KANSL1L: variants seen among roughly 807,000 people sequenced by gnomAD.
KANSL1L encodes the protein KAT8 regulatory NSL complex subunit 1 like, also known as KAT8 regulatory NSL complex subunit 1-like protein.
KANSL1L carries 25 observed loss-of-function variants against 108.6 expected under a neutral mutation model. The observed-to-expected ratio is 0.23, with a 90% CI of 0.17 to 0.32. The LOEUF is 0.32. Ranked by LOEUF, KANSL1L falls within the 10% of genes least tolerant of loss-of-function variation. The probability of loss-of-function intolerance (pLI) is 1.00; values close to 1 mark genes in which losing one functional copy is unlikely to be tolerated. For synonymous variants in KANSL1L, 405 were observed against 395.1 expected, an observed-to-expected ratio of 1.03 and a Z score of -0.30; for missense variants, 1,137 against 1,125.7, an observed-to-expected ratio of 1.01 and a Z score of -0.14.
chr2:210,063,166 G>A (rs1371297006), intron 6 of KANSL1L, among the ~76,000 whole-genome samples: 2 of 152,232 alleles, frequency 1.3e-5, no homozygotes, highest in Non-Finnish European at 2.9e-5. Flanking sequence ...GAGGGTGCAA[G>A]CCCCAAACCT....
At chr2:210,073,673 T>C (rs2094522685) in intron 6 of KANSL1L, among the ~76,000 whole-genome samples, 1 of 152,108 alleles carries the variant, frequency 6.6e-6, no homozygotes, top group South Asian at 2.1e-4. Context: ...GAAAGTTCTA[T>C]GGTTCTCAAG....
intron 8 of KANSL1L, among the ~76,000 whole-genome samples, chr2:210,036,194 C>T (rs1465756334): frequency 1.3e-5 from 2 of 151,830 alleles, no homozygotes; most frequent in Non-Finnish European, 2.9e-5. Flanking sequence ...TATATAATTT[C>T]TTTTTAAGAT....
At chr2:210,103,351 A>C (rs1350882536) in intron 4 of KANSL1L, among the ~76,000 whole-genome samples, 1 of 152,202 alleles carries the variant, frequency 6.6e-6, no homozygotes, top group East Asian at 1.9e-4. Flanking sequence ...GGATAGCATT[A>C]GGAGATAGAC....
chr2:210,108,715 C>A (rs192649764), intron 3 of KANSL1L, among the ~76,000 whole-genome samples: 1 of 152,114 alleles, frequency 6.6e-6, no homozygotes, highest in Non-Finnish European at 1.5e-5. Context: ...AAACTGAAGG[C>A]TCCTGTAAAG....
intron 2 of KANSL1L, among the ~76,000 whole-genome samples, chr2:210,138,324 G>A (rs1367686226): frequency 3.9e-5 from 6 of 152,010 alleles, no homozygotes; most frequent in Admixed American, 3.3e-4. Context: ...GGAGGGGAGA[G>A]GAAGGGGGTG....
At chr2:210,059,591 T>C (rs770098424) in intron 6 of KANSL1L, among the ~76,000 whole-genome samples, 1 of 152,214 alleles carries the variant, frequency 6.6e-6, no homozygotes, top group East Asian at 1.9e-4. Context: ...GAATATGTTA[T>C]ACATGCTATA....
rs139941547 is a variant in KANSL1L, at chr2:210,113,937, C to T, written c.1231-9636G>A. On this transcript the variant is annotated intron_variant, in intron 3 of 14. Transcript: ENST00000281772. ...AAAAGTGAACAAAGTCTAAGGGACA[C>T]GTGGAACACTATTAAGTGGCCCAAC... 1.4e-3 allele frequency among the ~76,000 whole-genome samples: 214 copies of T among 152,130 alleles called. 1 individual carries two copies. Among genetic ancestry groups the T allele is most frequent in the Non-Finnish European group, 2.1e-3 (146 of 67,972 alleles).
At chr2:210,057,936 C>T (rs1196310736) in intron 6 of KANSL1L, among the ~76,000 whole-genome samples, 2 of 152,078 alleles carry the variant, frequency 1.3e-5, no homozygotes, top group Non-Finnish European at 2.9e-5. Flanking sequence ...GCATTAACTG[C>T]ACAAATTGTT....
chr2:210,040,232 G>T, intron 8 of KANSL1L, 188 bp downstream of exon 8: 1 of 493,410 alleles, frequency 2.0e-6, no homozygotes, highest in Non-Finnish European at 3.6e-6. Context: ...AATTCAATAG[G>T]TATCGCACAT....
chr2:210,107,992 TA>T (rs2094867266), intron 3 of KANSL1L, among the ~76,000 whole-genome samples: 1 of 152,152 alleles, frequency 6.6e-6, no homozygotes, highest in African/African-American at 2.4e-5. Context: ...ATCTCTAACT[TA>T]AGTGAGAACA....
At chr2:210,127,667 C>T (rs1266663541) in intron 3 of KANSL1L, among the ~76,000 whole-genome samples, 3 of 151,518 alleles carry the variant, frequency 2.0e-5, no homozygotes, top group Non-Finnish European at 4.4e-5. Context: ...GGCATGGTGG[C>T]ACGAGCCTCT....
chr2:210,086,059 A>C (rs1292599008), intron 5 of KANSL1L, among the ~76,000 whole-genome samples: 1 of 151,870 alleles, frequency 6.6e-6, no homozygotes, highest in African/African-American at 2.4e-5. Flanking sequence ...GAGGGTAAAA[A>C]ATTTACTTTT....
chr2:210,046,033 C>A (rs1383850351), intron 6 of KANSL1L, among the ~76,000 whole-genome samples: 1 of 152,138 alleles, frequency 6.6e-6, no homozygotes, highest in Non-Finnish European at 1.5e-5. Flanking sequence ...GATTTAGTGT[C>A]TGACAAAGGT....
At chr2:210,114,941 T>C (rs2094940294) in intron 3 of KANSL1L, among the ~76,000 whole-genome samples, 1 of 151,842 alleles carries the variant, frequency 6.6e-6, no homozygotes, top group Non-Finnish European at 1.5e-5. Context: ...CTACAGAATA[T>C]ATATAAAAGG....
At chr2:210,101,192 G>A (rs766320189) in intron 4 of KANSL1L, among the ~76,000 whole-genome samples, 2 of 152,136 alleles carry the variant, frequency 1.3e-5, no homozygotes, top group African/African-American at 2.4e-5. Context: ...TGATACCCAG[G>A]ACCAGCTTCA....
At position 210,154,615 on chromosome 2, in the gene KANSL1L, C is replaced by A. The variant is rs907803926; in HGVS notation, c.-29-4G>T. ...CCTGTAGATAAGTATTGGAAACCTA[C>A]AATAATGTAAAAATAAATGGTCAAA... is the stretch of plus-strand genomic sequence containing the variant. On this transcript the variant is annotated splice_polypyrimidine_tract_variant and splice_region_variant and intron_variant, in intron 1 of 14. Transcript: ENST00000281772. 6 of 1,386,390 alleles carry A rather than the reference C, an allele frequency of 4.3e-6. No homozygotes were observed. The highest frequency in any genetic ancestry group is 2.7e-5 in the Admixed American group (1 of 36,906). The allele number at this position is 1,386,390 out of a possible 1,614,324, so 85.9% of individuals were successfully genotyped here. A position where few individuals can be genotyped will look rare whatever the true frequency, so the allele number is the denominator to read the frequency against.
chr2:210,092,694 T>C (rs2094702452), intron 5 of KANSL1L, among the ~76,000 whole-genome samples: 1 of 152,208 alleles, frequency 6.6e-6, no homozygotes, highest in South Asian at 2.1e-4. Flanking sequence ...TGTCTCCTTA[T>C]ATGTTTGATT....
rs1553638216 is a variant in KANSL1L, at chr2:210,022,620, A to ATATG, written c.*325_*328dup. 7 of 269,266 alleles carry ATATG rather than the reference A, an allele frequency of 2.6e-5. No homozygotes were observed. Among genetic ancestry groups the ATATG allele is most frequent in the Non-Finnish European group, 5.0e-5 (7 of 139,438 alleles). 16.7% of individuals were successfully genotyped at this position (269,266 alleles called of 1,614,324 possible). On this transcript the variant is annotated 3_prime_UTR_variant, in exon 15 of 15. Coordinates refer to ENST00000281772, the MANE Select transcript of KANSL1L (RefSeq NM_152519.4). ...CAGGTTTGTATGTATGTGTATATAT[A>ATATG]TATGTATGTATGTATGGTGTGGGTA...
intron 1 of KANSL1L, among the ~76,000 whole-genome samples, chr2:210,169,942 T>G (rs1216752362): frequency 6.6e-6 from 1 of 152,214 alleles, no homozygotes; most frequent in Non-Finnish European, 1.5e-5. Context: ...GCATTTCTTC[T>G]TTCTTACAAT....
Sources: allele counts gnomAD v4.1 joint callset (sites outside exome capture counted in the v4.1 genomes callset), GRCh38; gene constraint gnomAD v4.1.1; transcripts MANE v1.5; gene names NCBI Gene and HGNC (gene_info 2026-07-23, HGNC 2026-07-21).